ANO2: variants seen among roughly 807,000 people sequenced by gnomAD.
ANO2 encodes anoctamin-2.
Under a neutral mutation model 124.2 loss-of-function variants are expected in ANO2, and 101 were observed. That is an observed-to-expected ratio of 0.81 (90% confidence interval 0.69 to 0.96). The LOEUF (loss-of-function observed/expected upper bound fraction) is 0.96. Ranked by LOEUF, ANO2 falls within the 40% of genes least tolerant of loss-of-function variation. The probability of loss-of-function intolerance (pLI) is 0.00; values close to 1 mark genes in which losing one functional copy is unlikely to be tolerated. For missense variants in ANO2, 1,293 were observed against 1,274.5 expected (o/e 1.01, Z -0.22); for synonymous variants, 486 against 482.5 (o/e 1.01, Z -0.09).
Position 5,615,072 on chromosome 12 carries a change from GA to G in ANO2, c.1928+113del, listed in dbSNP as rs1187034500. On this transcript the variant is annotated intron_variant, in intron 17 of 24. Transcript: ENST00000682330. Reference sequence around the variant, plus strand: ...GGAAGGCAGGTGAAAGTGGGGCGGAGAAGGGGCTGACGCTGAGTGGACAATG... The same window carrying G: ...GGAAGGCAGGTGAAAGTGGGGCGGAGAGGGGCTGACGCTGAGTGGACAATG... 5 of 712,928 alleles carry G rather than the reference GA, an allele frequency of 7.0e-6. No homozygotes were observed. The Admixed American group carries it at 8.9e-5, about 13-fold the overall frequency. The allele number at this position is 712,928 out of a possible 1,614,324, so 44.2% of individuals were successfully genotyped here.
chr12:5,708,165 C>T (rs146155377), intron 14 of ANO2, among the ~76,000 whole-genome samples: 17 of 152,006 alleles, frequency 1.1e-4, no homozygotes, highest in Non-Finnish European at 2.1e-4. Context: ...ACCCAGTGAA[C>T]GCTCTCCTGA....
intron 14 of ANO2, among the ~76,000 whole-genome samples, chr12:5,685,785 C>G (rs1238929159): frequency 7.3e-6 from 1 of 137,658 alleles, no homozygotes; most frequent in Non-Finnish European, 1.6e-5. Context: ...TCAACAACAA[C>G]AACAAAACAA....
chr12:5,902,918 C>T (rs150351014), intron 3 of ANO2, among the ~76,000 whole-genome samples: 2 of 125,000 alleles, frequency 1.6e-5, no homozygotes, highest in South Asian at 5.5e-4. Flanking sequence ...CTAGCTCAAA[C>T]CAGGGCACAA....
Position 5,921,092 on chromosome 12 carries a change from TCCTC to T in ANO2, c.478_481del (p.Glu160AsnfsTer6), listed in dbSNP as rs1941669013. The T allele has an allele frequency of 6.2e-7, 1 of 1,613,422 alleles. No individual in the cohort carries two copies. The highest frequency in any genetic ancestry group is 8.5e-7 in the Non-Finnish European group (1 of 1,179,662). ...AGCCTCCATCAGATTGTGCTCAAATTCCTCCCGCTGCTCCTTCCTCTCCTCCTCC... is the reference window on the plus strand; with the variant it reads ...AGCCTCCATCAGATTGTGCTCAAATTCCGCTGCTCCTTCCTCTCCTCCTCC... On this transcript the variant is annotated frameshift_variant, in exon 3 of 25. Transcript: ENST00000682330. LOFTEE classifies it high-confidence loss of function.
intron 4 of ANO2, among the ~76,000 whole-genome samples, chr12:5,848,334 T>C (rs1343908490): frequency 6.6e-6 from 1 of 151,954 alleles, no homozygotes. Context: ...TCCACTATCA[T>C]CATTTCCCTT....
intron 10 of ANO2, among the ~76,000 whole-genome samples, chr12:5,756,030 C>G (rs1951571619): frequency 6.6e-6 from 1 of 152,030 alleles, no homozygotes; most frequent in South Asian, 2.1e-4. Flanking sequence ...AGATCTTAGG[C>G]TTTCTTCACT....
chr12:5,684,918 C>T (rs1030103457), intron 14 of ANO2, among the ~76,000 whole-genome samples: 5 of 152,184 alleles, frequency 3.3e-5, no homozygotes, highest in African/African-American at 1.2e-4. Flanking sequence ...CTGGGAGACT[C>T]AAGCACATGA....
chr12:5,729,765 A>T (rs4930800), intron 14 of ANO2, among the ~76,000 whole-genome samples: 38,525 of 151,946 alleles, frequency 0.25, 5,614 homozygotes, highest in African/African-American at 0.41. Flanking sequence ...CACCCAAATG[A>T]CCATCAACTG....
chr12:5,828,274 C>T (rs1954049292), intron 6 of ANO2, among the ~76,000 whole-genome samples: 2 of 152,078 alleles, frequency 1.3e-5, no homozygotes, highest in South Asian at 4.1e-4. Flanking sequence ...CCCCCTCCCC[C>T]AGCCTGGAGC....
chr12:5,744,016 G>C (rs1951186197), intron 12 of ANO2, 141 bp downstream of exon 12: 1 of 958,012 alleles, frequency 1.0e-6, no homozygotes, highest in Non-Finnish European at 1.5e-6. Flanking sequence ...GAAAAGAAAA[G>C]TGTCATCCTT....
chr12:5,670,929 C>T (rs770684238), intron 14 of ANO2, among the ~76,000 whole-genome samples: 2 of 152,150 alleles, frequency 1.3e-5, no homozygotes, highest in East Asian at 1.9e-4. Context: ...AGGCTCAAAG[C>T]GACAGAAGCC....
chr12:5,565,442 C>T (rs954492782), intron 24 of ANO2, 116 bp downstream of exon 24: 14 of 924,900 alleles, frequency 1.5e-5, no homozygotes, highest in Non-Finnish European at 2.3e-5. Flanking sequence ...ACACATGAAG[C>T]TTTCTTATGT....
chr12:5,609,985 T>C lies in ANO2; in HGVS notation c.2087+2671A>G, dbSNP rs561368489. On this transcript the variant is annotated intron_variant, in intron 19 of 24. Transcript: ENST00000682330. ...TACATTTATGTATAAATATATGCAT[T>C]TATATATTTATATATAAGTATATTT... Among the ~76,000 whole-genome samples, 13 of 141,016 alleles carry C rather than the reference T, an allele frequency of 9.2e-5. No homozygotes were observed. The East Asian group carries it at 2.5e-3, about 27-fold the overall frequency. The allele number at this position is 141,016 out of a possible 152,430, so 92.5% of individuals were successfully genotyped here.
intron 14 of ANO2, among the ~76,000 whole-genome samples, chr12:5,671,157 C>T (rs1340902805): frequency 1.3e-5 from 2 of 152,080 alleles, no homozygotes; most frequent in African/African-American, 4.8e-5. Context: ...AGCTCCCCAC[C>T]TTCCTTTCCA....
At chr12:5,639,225 C>T (rs1558780) in intron 15 of ANO2, among the ~76,000 whole-genome samples, 47,271 of 152,084 alleles carry the variant, frequency 0.31, 7,496 homozygotes, top group Admixed American at 0.38. Context: ...CAGCATGGCA[C>T]ACGATAGTAG....
chr12:5,818,688 T>C (rs202050912), intron 7 of ANO2, among the ~76,000 whole-genome samples: 1 of 151,620 alleles, frequency 6.6e-6, no homozygotes, highest in African/African-American at 2.4e-5. Flanking sequence ...CTACTTCTAA[T>C]AGTATGGAGA....
chr12:5,818,216 C>T (rs1953670113), intron 7 of ANO2, among the ~76,000 whole-genome samples: 3 of 29,020 alleles, frequency 1.0e-4, no homozygotes, highest in South Asian at 2.9e-3. Context: ...GCAGACCCAC[C>T]GTTTAATCTG....
intron 20 of ANO2, among the ~76,000 whole-genome samples, chr12:5,586,476 C>G (rs1215149141): frequency 6.6e-6 from 1 of 152,216 alleles, no homozygotes; most frequent in East Asian, 1.9e-4. Flanking sequence ...CACACACTTG[C>G]AGTTCTTTGT....
At chr12:5,626,132 T>C (rs1945387051) in intron 16 of ANO2, among the ~76,000 whole-genome samples, 1 of 152,040 alleles carries the variant, frequency 6.6e-6, no homozygotes, top group Admixed American at 6.6e-5. Flanking sequence ...GGGGAGTGCA[T>C]TTTGGCATCA....
Sources: gnomAD v4.1 joint callset for allele counts (sites outside exome capture counted in the v4.1 genomes callset) on GRCh38, gnomAD v4.1.1 for gene constraint, MANE v1.5 for transcripts, NCBI Gene and HGNC (gene_info 2026-07-23, HGNC 2026-07-21) for gene names.